ETNK1: variants seen among roughly 807,000 people sequenced by gnomAD.
ETNK1 encodes the protein putative protein product of Nbla10396.
In ETNK1, 8 loss-of-function variants were observed where a neutral mutation model predicts 45.1. The observed-to-expected ratio is 0.18, with a 90% CI of 0.10 to 0.32. ETNK1 has a LOEUF of 0.32. Ranked by LOEUF, ETNK1 falls within the 10% of genes least tolerant of loss-of-function variation. ETNK1 has a pLI of 1.00. For missense variants in ETNK1, 302 were observed against 430.6 expected (o/e 0.70, Z 2.64); for synonymous variants, 152 against 151.9 (o/e 1.00, Z -0.01).
At chr12:22,630,865 C>A (rs966867976) in intron 1 of ETNK1, among the ~76,000 whole-genome samples, 2 of 152,086 alleles carry the variant, frequency 1.3e-5, no homozygotes, top group African/African-American at 4.8e-5. Context: ...CCCACCTCGG[C>A]CTCCCAAAAT....
intron 2 of ETNK1, among the ~76,000 whole-genome samples, chr12:22,647,476 T>C (rs1247072134): frequency 6.6e-6 from 1 of 152,000 alleles, no homozygotes; most frequent in East Asian, 1.9e-4. Flanking sequence ...ATTAAAAGTC[T>C]CTTATATTCA....
Position 22,661,180 on chromosome 12 carries a change from G to A in ETNK1, c.675G>A (p.Lys225=). The A allele has an allele frequency of 1.9e-6, 3 of 1,606,504 alleles. No individual in the cohort carries two copies. The highest frequency in any genetic ancestry group is 2.5e-6 in the Non-Finnish European group (3 of 1,178,228). Residue 225 remains lysine, a synonymous_variant, in exon 4 of 8, where the codon AAG becomes AAA. Coordinates refer to ENST00000266517, the MANE Select transcript of ETNK1 (RefSeq NM_018638.5). ...VVLCHNDLLC[K]NIIYNEKQGD... ...TTTGCCATAATGACCTATTGTGTAA[G>A]AATATAATCTACAATGAGAAACAAG...
At chr12:22,625,642 T>C in intron 1 of ETNK1, 56 bp downstream of exon 1, 1 of 1,516,180 alleles carries the variant, frequency 6.6e-7, no homozygotes, top group Non-Finnish European at 8.8e-7. Flanking sequence ...GCTCTGGGGG[T>C]CCTCACCACA....
intron 1 of ETNK1, among the ~76,000 whole-genome samples, chr12:22,636,122 C>A (rs1361164638): frequency 2.0e-5 from 3 of 152,100 alleles, no homozygotes; most frequent in African/African-American, 7.2e-5. Context: ...GTGATTGTGT[C>A]ACTGCACTGC....
intron 6 of ETNK1, among the ~76,000 whole-genome samples, chr12:22,678,692 C>CT (rs772406432): frequency 1.3e-5 from 2 of 152,296 alleles, no homozygotes; most frequent in South Asian, 4.1e-4. Flanking sequence ...GAGGATTGAG[C>CT]TTTTTACGAT....
At chr12:22,641,173 G>A (rs1175865046) in intron 1 of ETNK1, among the ~76,000 whole-genome samples, 1 of 152,104 alleles carries the variant, frequency 6.6e-6, no homozygotes, top group Non-Finnish European at 1.5e-5. Context: ...TGCAGTAAGG[G>A]AGAACTACAT....
intron 1 of ETNK1, among the ~76,000 whole-genome samples, chr12:22,640,110 A>T (rs1279265521): frequency 6.6e-6 from 1 of 152,212 alleles, no homozygotes; most frequent in Non-Finnish European, 1.5e-5. Flanking sequence ...GGGTAAGTTT[A>T]AATTGTATTT....
chr12:22,655,398 A>G (rs1260095217), intron 2 of ETNK1, among the ~76,000 whole-genome samples: 1 of 144,636 alleles, frequency 6.9e-6, no homozygotes, highest in Non-Finnish European at 1.5e-5. Flanking sequence ...GTGCAGTGGC[A>G]TGATATCAGC....
chr12:22,690,221 C>T lies in ETNK1; in HGVS notation c.*5267C>T, dbSNP rs1003697451. 3.9e-5 allele frequency: 6 copies of T among 152,426 alleles called. No individual in the cohort carries two copies. The highest frequency in any genetic ancestry group is 2.0e-4 in the Admixed American group (3 of 15,264). 9.4% of individuals were successfully genotyped at this position (152,426 alleles called of 1,614,324 possible). A position where few individuals can be genotyped will look rare whatever the true frequency, so the allele number is the denominator to read the frequency against. ...TCTCAGCACTGAAAATGTATTGATA[C>T]CTCTTAAATGAATGCAACTTTTGAT... is the stretch of plus-strand genomic sequence containing the variant. On this transcript the variant is annotated 3_prime_UTR_variant, in exon 8 of 8. Coordinates refer to ENST00000266517, the MANE Select transcript of ETNK1 (RefSeq NM_018638.5).
Position 22,642,347 on chromosome 12 carries a change from A to G in ETNK1, c.157-1416A>G, listed in dbSNP as rs192848119. Among the ~76,000 whole-genome samples, 18 of 152,214 alleles carry G rather than the reference A, an allele frequency of 1.2e-4. No homozygotes were observed. In the East Asian group the frequency reaches 3.5e-3, roughly 29 times the overall value. ...AGATTTTAATAAAATTATGATTATGATAAAAAATAGTCATTTTAAGTATAT... is the reference window on the plus strand; with the variant it reads ...AGATTTTAATAAAATTATGATTATGGTAAAAAATAGTCATTTTAAGTATAT... On this transcript the variant is annotated intron_variant, in intron 1 of 7. Transcript: ENST00000266517.
intron 6 of ETNK1, among the ~76,000 whole-genome samples, chr12:22,680,887 T>C (rs1229854070): frequency 3.1e-5 from 3 of 96,592 alleles, no homozygotes; most frequent in Non-Finnish European, 6.7e-5. Flanking sequence ...GTGGAGCTTT[T>C]CTTCCCCCGC....
At chr12:22,632,569 A>T (rs1447134415) in intron 1 of ETNK1, among the ~76,000 whole-genome samples, 1 of 151,686 alleles carries the variant, frequency 6.6e-6, no homozygotes, top group Non-Finnish European at 1.5e-5. Flanking sequence ...GAGTGCAGTG[A>T]TGCTATCATA....
intron 1 of ETNK1, among the ~76,000 whole-genome samples, chr12:22,631,636 G>A (rs1953582109): frequency 6.6e-6 from 1 of 152,076 alleles, no homozygotes; most frequent in African/African-American, 2.4e-5. Context: ...GAGGTGCTGG[G>A]GCCCAGATTA....
chr12:22,659,640 G>A (rs151176226), intron 3 of ETNK1, among the ~76,000 whole-genome samples: 42 of 152,272 alleles, frequency 2.8e-4, no homozygotes, highest in African/African-American at 9.4e-4. Context: ...TACAGTAGTA[G>A]TATATTAACC....
chr12:22,685,072 T>A lies in ETNK1; in HGVS notation c.*118T>A. 1 of 664,244 alleles carries A rather than the reference T, an allele frequency of 1.5e-6. No homozygotes were observed. The highest frequency in any genetic ancestry group is 2.5e-6 in the Non-Finnish European group (1 of 399,826). 41.1% of individuals were successfully genotyped at this position (664,244 alleles called of 1,614,324 possible). ...TGTTTAATTTGGTTATCTTGCTTTA[T>A]AAATTATGCCTCTAAACAATCAAAT... On this transcript the variant is annotated 3_prime_UTR_variant, in exon 8 of 8. Transcript: ENST00000266517.
At chr12:22,655,328 GTTTTTTT>G (rs10586779) in intron 2 of ETNK1, among the ~76,000 whole-genome samples, 2 of 122,784 alleles carry the variant, frequency 1.6e-5, no homozygotes, top group Admixed American at 1.6e-4. Flanking sequence ...GGGTTTGTTT[GTTTTTTT>G]TTTTTTTTTT....
chr12:22,641,938 CT>C (rs1197749765), intron 1 of ETNK1, among the ~76,000 whole-genome samples: 1 of 152,110 alleles, frequency 6.6e-6, no homozygotes, highest in Non-Finnish European at 1.5e-5. Flanking sequence ...GTAATCATAT[CT>C]GTCTCTAGCC....
chr12:22,684,265 A>T (rs1218983916), intron 6 of ETNK1, among the ~76,000 whole-genome samples: 2 of 152,096 alleles, frequency 1.3e-5, no homozygotes, highest in East Asian at 3.8e-4. Context: ...AAGTGATTAT[A>T]ATTTACCATA....
intron 1 of ETNK1, 81 bp from the exon 2 acceptor site, chr12:22,643,682 C>A: frequency 8.4e-7 from 1 of 1,193,496 alleles, no homozygotes; most frequent in Non-Finnish European, 1.2e-6. Flanking sequence ...TAGTATTTAA[C>A]TCATGATTTT....
Sources: allele counts gnomAD v4.1 joint callset (sites outside exome capture counted in the v4.1 genomes callset), GRCh38; gene constraint gnomAD v4.1.1; transcripts MANE v1.5; gene names NCBI Gene and HGNC (gene_info 2026-07-23, HGNC 2026-07-21).